The following MTA3 variants were observed in gnomAD, a reference collection of about 807,000 sequenced individuals.
MTA3 encodes metastasis-associated protein MTA3.
MTA3 carries 34 observed loss-of-function variants against 83.5 expected under a neutral mutation model. The ratio of observed to expected loss-of-function variants is 0.41; its 90% CI spans 0.31 to 0.54. The LOEUF (loss-of-function observed/expected upper bound fraction) is 0.54, where lower values mean the gene tolerates loss of function less well. MTA3 is among the 20% of genes least tolerant of loss of function. The probability of loss-of-function intolerance (pLI) is 0.33; values close to 1 mark genes in which losing one functional copy is unlikely to be tolerated. For synonymous variants in MTA3, 303 were observed against 252.7 expected (o/e 1.20, Z -1.89); for missense variants, 761 against 726.4 (o/e 1.05, Z -0.55).
At chr2:42,671,273 A>C (rs1019719357) in intron 8 of MTA3, among the ~76,000 whole-genome samples, 2 of 152,162 alleles carry the variant, frequency 1.3e-5, no homozygotes, top group African/African-American at 4.8e-5. Context: ...TTTCAAATTT[A>C]ACATTTTTAC....
At chr2:42,740,266 T>G (rs1015661763) in intron 16 of MTA3, among the ~76,000 whole-genome samples, 1 of 152,242 alleles carries the variant, frequency 6.6e-6, no homozygotes, top group Admixed American at 6.5e-5. Flanking sequence ...GTCCCAGCAC[T>G]TTGGGAGGCC....
intron 2 of MTA3, among the ~76,000 whole-genome samples, chr2:42,548,132 G>T (rs922219572): frequency 2.0e-5 from 3 of 152,160 alleles, no homozygotes; most frequent in Non-Finnish European, 4.4e-5. Flanking sequence ...CTTATCCGTG[G>T]TTTTGTTTTC....
chr2:42,711,138 T>G (rs1421449185), intron 14 of MTA3, among the ~76,000 whole-genome samples: 1 of 152,048 alleles, frequency 6.6e-6, no homozygotes, highest in East Asian at 1.9e-4. Flanking sequence ...TGAATGAGAC[T>G]TTTCCATTAA....
intron 4 of MTA3, among the ~76,000 whole-genome samples, chr2:42,636,264 A>C (rs1687183912): frequency 6.6e-6 from 1 of 152,054 alleles, no homozygotes; most frequent in Admixed American, 6.6e-5. Flanking sequence ...GTTTGGGCCA[A>C]GTGTGGTGGC....
intron 3 of MTA3, among the ~76,000 whole-genome samples, chr2:42,597,100 CG>C (rs1277900926): frequency 4.0e-5 from 6 of 151,712 alleles, no homozygotes; most frequent in African/African-American, 1.5e-4. Context: ...TTAGTAGAGA[CG>C]GGGTTTCACC....
At chr2:42,521,965 G>A (rs1208108527) in intron 2 of MTA3, among the ~76,000 whole-genome samples, 1 of 152,010 alleles carries the variant, frequency 6.6e-6, no homozygotes, top group African/African-American at 2.4e-5. Context: ...TGTTGGCCAG[G>A]GTGGTCTTGA....
chr2:42,559,145 C>T (rs184138570), intron 2 of MTA3, among the ~76,000 whole-genome samples: 1 of 152,294 alleles, frequency 6.6e-6, no homozygotes, highest in African/African-American at 2.4e-5. Flanking sequence ...GTTCCAGAGC[C>T]CAGATCCAGT....
chr2:42,598,016 G>A (rs1222139009), intron 3 of MTA3, among the ~76,000 whole-genome samples: 1 of 150,012 alleles, frequency 6.7e-6, no homozygotes, highest in Non-Finnish European at 1.5e-5. Context: ...TTTTATTGAA[G>A]TATAGTGTAC....
At position 42,542,226 on chromosome 2, in the gene MTA3, C is replaced by T. The variant is rs138958429; in HGVS notation, c.-140-28211C>T. Among the ~76,000 whole-genome samples, 36 of 152,270 alleles carry T rather than the reference C, an allele frequency of 2.4e-4. 1 individual carries two copies. Among genetic ancestry groups the T allele is most frequent in the African/African-American group, 7.7e-4 (32 of 41,534 alleles). ...CGCCAGTCAGCTAGGGACAGGGGAG[C>T]GGGGTCCCAAATAATACACATGGCC... On this transcript the variant is annotated intron_variant, in intron 2 of 17. Transcript: ENST00000405592.
intron 4 of MTA3, among the ~76,000 whole-genome samples, chr2:42,627,725 A>ATTTTTTTTTTTTTTTTTTTTTTTTTTTT (rs869227831): frequency 9.7e-6 from 1 of 103,384 alleles, no homozygotes. Flanking sequence ...GCCTGGCTAA[A>ATTTTTTTTTTTTTTTTTTTTTTTTTTTT]TTTTTTTTTT....
At chr2:42,664,463 T>C (rs1051341275) in intron 8 of MTA3, among the ~76,000 whole-genome samples, 1 of 117,374 alleles carries the variant, frequency 8.5e-6, no homozygotes, top group Non-Finnish European at 1.8e-5. Flanking sequence ...TCACCCCGCT[T>C]ACCTTTTTTT....
chr2:42,677,518 A>G (rs1691488321), intron 8 of MTA3, among the ~76,000 whole-genome samples: 1 of 151,510 alleles, frequency 6.6e-6, no homozygotes, highest in East Asian at 1.9e-4. Context: ...GATTTTTTGT[A>G]TTTTAGTAGA....
At chr2:42,723,635 T>C (rs1667593561) in intron 16 of MTA3, among the ~76,000 whole-genome samples, 1 of 152,236 alleles carries the variant, frequency 6.6e-6, no homozygotes, top group East Asian at 1.9e-4. Flanking sequence ...CAGGTGGAAC[T>C]GAATTATCTT....
chr2:42,735,684 A>G (rs1056404001), intron 16 of MTA3, among the ~76,000 whole-genome samples: 3 of 152,032 alleles, frequency 2.0e-5, no homozygotes, highest in Non-Finnish European at 4.4e-5. Context: ...CTGACTGTGT[A>G]TTTCAAATAG....
intron 2 of MTA3, among the ~76,000 whole-genome samples, chr2:42,534,649 C>T (rs1159428194): frequency 6.6e-6 from 1 of 152,130 alleles, no homozygotes; most frequent in Non-Finnish European, 1.5e-5. Flanking sequence ...CCCAAAATAA[C>T]ACTGGCATAA....
At chr2:42,620,712 T>G (rs1463272727) in intron 4 of MTA3, among the ~76,000 whole-genome samples, 1 of 152,168 alleles carries the variant, frequency 6.6e-6, no homozygotes, top group Non-Finnish European at 1.5e-5. Context: ...AGGTTGTTTC[T>G]TAAACTTCTG....
intron 4 of MTA3, among the ~76,000 whole-genome samples, chr2:42,635,279 C>G (rs1439963325): frequency 6.6e-6 from 1 of 152,114 alleles, no homozygotes; most frequent in Non-Finnish European, 1.5e-5. Context: ...CACTGATTTA[C>G]CAATCCCAGA....
chr2:42,634,422 G>T (rs564715526), intron 4 of MTA3, among the ~76,000 whole-genome samples: 1 of 152,310 alleles, frequency 6.6e-6, no homozygotes, highest in African/African-American at 2.4e-5. Context: ...AATCATGGTG[G>T]AAGGGGAAGC....
At chr2:42,735,487 A>C (rs1668545011) in intron 16 of MTA3, among the ~76,000 whole-genome samples, 2 of 152,140 alleles carry the variant, frequency 1.3e-5, no homozygotes, top group African/African-American at 2.4e-5. Flanking sequence ...ACCTTCTTGT[A>C]CTTAAATATT....
Sources: allele counts gnomAD v4.1 joint callset (sites outside exome capture counted in the v4.1 genomes callset), GRCh38; gene constraint gnomAD v4.1.1; transcripts MANE v1.5; gene names NCBI Gene and HGNC (gene_info 2026-07-23, HGNC 2026-07-21).